NEMP1: variants seen among roughly 807,000 people sequenced by gnomAD.
NEMP1 encodes the protein nuclear envelope integral membrane protein 1, also known as transmembrane protein 194.
In NEMP1, 29 loss-of-function variants were observed where a neutral mutation model predicts 53.7. The observed-to-expected ratio is 0.54, with a 90% CI of 0.40 to 0.74. The LOEUF is 0.74. NEMP1 is among the 30% of genes least tolerant of loss of function. The probability of loss-of-function intolerance (pLI) is 0.00; values close to 1 mark genes in which losing one functional copy is unlikely to be tolerated. For synonymous variants in NEMP1, 193 were observed against 192.9 expected, an observed-to-expected ratio of 1.00 and a Z score of 0.00; for missense variants, 477 against 528.6, an observed-to-expected ratio of 0.90 and a Z score of 0.96.
chr12:57,087,054 G>C (rs1281589511), intron 1 of NEMP1, among the ~76,000 whole-genome samples: 1 of 152,178 alleles, frequency 6.6e-6, no homozygotes, highest in Non-Finnish European at 1.5e-5. Context: ...CCCTAGGGGA[G>C]TGGGCAGGCC....
At position 57,078,718 on chromosome 12, in the gene NEMP1, A is replaced by G. The variant is rs752881025; in HGVS notation, c.28T>C (p.Ser10Pro). The change falls in exon 1 of 9, where the codon TCG becomes CCG. Residue 10 changes from serine to proline, a missense_variant. Coordinates refer to ENST00000300128, the MANE Select transcript of NEMP1 (RefSeq NM_001130963.2). Reference sequence around the variant, plus strand: ...CAGGGCCCGGGACCAACTGCCGGCGAGACCGCCACTTTCATTCCTCCCGCC... The same window carrying G: ...CAGGGCCCGGGACCAACTGCCGGCGGGACCGCCACTTTCATTCCTCCCGCC... The part of the protein sequence containing the change: MAGGMKVAV[S>P]PAVGPGPWGS... 6.2e-7 allele frequency: 1 copy of G among 1,612,360 alleles called. No homozygotes were observed. The highest frequency in any genetic ancestry group is 8.5e-7 in the Non-Finnish European group (1 of 1,178,864).
At chr12:57,081,519 A>G (rs1313069658), upstream of NEMP1, among the ~76,000 whole-genome samples, 2 of 151,370 alleles carry the variant, frequency 1.3e-5, no homozygotes, top group African/African-American at 4.8e-5. Flanking sequence ...CTGGGATTAC[A>G]GGCATGAGCC....
At chr12:57,064,557 A>C in intron 5 of NEMP1, 89 bp downstream of exon 5, 1 of 956,856 alleles carries the variant, frequency 1.0e-6, no homozygotes, top group Non-Finnish European at 1.6e-6. Flanking sequence ...CCATCAATAC[A>C]CATTTTCAGT....
At chr12:57,087,413 C>CA in intron 1 of NEMP1, among the ~76,000 whole-genome samples, 1 of 143,484 alleles carries the variant, frequency 7.0e-6, no homozygotes, top group Non-Finnish European at 1.5e-5. Flanking sequence ...CCGGGGCCAG[C>CA]GGCTGGCAGC....
At chr12:57,061,624 C>T (rs1000224945) in intron 7 of NEMP1, among the ~76,000 whole-genome samples, 21 of 140,138 alleles carry the variant, frequency 1.5e-4, no homozygotes, top group East Asian at 1.1e-3. Context: ...ACCAGGGAGG[C>T]GGAGGTTGCA....
rs1354463894 is a variant in NEMP1 at position 57,059,721 on chromosome 12, C to A, written c.*158G>T. The A allele has an allele frequency of 3.2e-6, 2 of 620,164 alleles. No homozygotes were observed. The highest frequency in any genetic ancestry group is 3.0e-5 in the Admixed American group (1 of 33,514). The allele number at this position is 620,164 out of a possible 1,614,324, so 38.4% of individuals were successfully genotyped here. A position where few individuals can be genotyped will look rare whatever the true frequency, so the allele number is the denominator to read the frequency against. On this transcript the variant is annotated 3_prime_UTR_variant, in exon 9 of 9. Coordinates refer to ENST00000300128, the MANE Select transcript of NEMP1 (RefSeq NM_001130963.2). ...CCTCAGGGATCCCATAGAGACCTCC[C>A]ATTTCCAAAGGGAGGCCTTTTTAGG...
At chr12:57,075,843 C>T (rs1429419462) in intron 1 of NEMP1, among the ~76,000 whole-genome samples, 2 of 151,686 alleles carry the variant, frequency 1.3e-5, no homozygotes, top group African/African-American at 4.9e-5. Flanking sequence ...TGGCACACAC[C>T]TGTAATCCCA....
chr12:57,067,408 G>C (rs1247460303), intron 4 of NEMP1, among the ~76,000 whole-genome samples: 1 of 151,672 alleles, frequency 6.6e-6, no homozygotes, highest in African/African-American at 2.4e-5. Context: ...CAGCATCAAA[G>C]ATCACTGATT....
At chr12:57,071,567 C>T (rs897518744) in intron 2 of NEMP1, among the ~76,000 whole-genome samples, 4 of 152,026 alleles carry the variant, frequency 2.6e-5, no homozygotes, top group East Asian at 1.9e-4. Flanking sequence ...TTAGTAGAGA[C>T]GGGGTTTCAC....
Position 57,060,050 on chromosome 12 carries a change from G to A in NEMP1, c.1164C>T (p.Asp388=). ...SRIQSPKRFA[D]FVEGSSHLTP... ...TGAGGTGGGAAGAGCCTTCCACAAA[G>A]TCAGCAAATCTGGAAAAGAGAAGAT... The change falls in exon 9 of 9, where the codon GAC becomes GAT. Residue 388 remains aspartate (D), a synonymous_variant. Transcript: ENST00000300128. 6.2e-7 allele frequency: 1 copy of A among 1,613,662 alleles called. No homozygotes were observed. The highest frequency in any genetic ancestry group is 2.2e-5 in the East Asian group (1 of 44,882).
intron 1 of NEMP1, among the ~76,000 whole-genome samples, chr12:57,087,176 C>T (rs973528792): frequency 6.6e-6 from 1 of 152,242 alleles, no homozygotes; most frequent in Non-Finnish European, 1.5e-5. Flanking sequence ...TTTCCCGGAT[C>T]AGGACCGGGA....
At chr12:57,082,857 C>CAA (rs774695997), upstream of NEMP1, among the ~76,000 whole-genome samples, 11 of 134,272 alleles carry the variant, frequency 8.2e-5, no homozygotes, top group African/African-American at 3.0e-4. Context: ...ACAAAGAATA[C>CAA]AAAAAAAAAA....
At chr12:57,075,230 CA>C (rs1237699284) in intron 1 of NEMP1, among the ~76,000 whole-genome samples, 1 of 148,494 alleles carries the variant, frequency 6.7e-6, no homozygotes. Context: ...ACTAAAAGCA[CA>C]AAAAAAATTA....
At position 57,069,383 on chromosome 12, in the gene NEMP1, C is replaced by T. The variant is rs939634680; in HGVS notation, c.473-77G>A. The T allele has an allele frequency of 3.3e-6, 3 of 899,104 alleles. No individual in the cohort carries two copies. The African/African-American group carries it at 5.2e-5, about 15-fold the overall frequency. 55.7% of individuals were successfully genotyped at this position (899,104 alleles called of 1,614,324 possible). ...ATTATAGAATAAAAGACAACGTTGG[C>T]ACTATTGGTCAGCTACAGTAAAAAT... On this transcript the variant is annotated intron_variant, in intron 3 of 8. Transcript: ENST00000300128.
chr12:57,067,786 G>A (rs534262998), intron 4 of NEMP1, among the ~76,000 whole-genome samples: 19 of 152,040 alleles, frequency 1.2e-4, no homozygotes, highest in East Asian at 9.7e-4. Context: ...CATCTCTCCC[G>A]ACCTGAATAT....
intron 4 of NEMP1, among the ~76,000 whole-genome samples, chr12:57,068,697 C>A (rs2032208387): frequency 6.7e-6 from 1 of 150,354 alleles, no homozygotes; most frequent in Non-Finnish European, 1.5e-5. Context: ...TCACAAGTAG[C>A]TGGGACTACA....
In NEMP1 at chr12:57,060,126, AG is replaced by A. The variant is rs1427191021; in HGVS notation, c.1155-68del. 54 of 1,496,346 alleles carry A rather than the reference AG, an allele frequency of 3.6e-5. No individual in the cohort carries two copies. In the African/African-American group the frequency reaches 6.8e-4, roughly 19 times the overall value. The allele number at this position is 1,496,346 out of a possible 1,614,324, so 92.7% of individuals were successfully genotyped here. A position where few individuals can be genotyped will look rare whatever the true frequency, so the allele number is the denominator to read the frequency against. ...TCCTTTCTGGTCTTCTTTCAAAATA[AG>A]AACAAATTAAAGCCCTCGATATGCT... is the stretch of plus-strand genomic sequence containing the variant. On this transcript the variant is annotated intron_variant, in intron 8 of 8. Transcript: ENST00000300128.
Position 57,059,064 on chromosome 12 carries a change from T to A in NEMP1, c.*815A>T, listed in dbSNP as rs954013233. On this transcript the variant is annotated 3_prime_UTR_variant, in exon 9 of 9. Transcript: ENST00000300128. ...AGGGCAAAGGCAGGGTAAGGAAGAA[T>A]GGGAAGAGAAGAATACAAATGTTTT... The A allele has an allele frequency of 6.6e-6, 1 of 152,078 alleles. No homozygotes were observed. The highest frequency in any genetic ancestry group is 2.4e-5 in the African/African-American group (1 of 41,402). The allele number at this position is 152,078 out of a possible 1,614,324, so 9.4% of individuals were successfully genotyped here. A position where few individuals can be genotyped will look rare whatever the true frequency, so the allele number is the denominator to read the frequency against.
chr12:57,080,390 C>A (rs1248803525), upstream of NEMP1, among the ~76,000 whole-genome samples: 1 of 151,726 alleles, frequency 6.6e-6, no homozygotes, highest in Non-Finnish European at 1.5e-5. Flanking sequence ...ACCAGCCTGG[C>A]CAACATGGCA....
Sources: allele counts gnomAD v4.1 joint callset (sites outside exome capture counted in the v4.1 genomes callset), GRCh38; gene constraint gnomAD v4.1.1; transcripts MANE v1.5; gene names NCBI Gene and HGNC (gene_info 2026-07-23, HGNC 2026-07-21).